The following LAPTM4B variants were observed in gnomAD, a reference collection of about 807,000 sequenced individuals.
The protein encoded by LAPTM4B is lysosomal protein transmembrane 4 beta.
Under a neutral mutation model 28.5 loss-of-function variants are expected in LAPTM4B, and 26 were observed. The observed-to-expected ratio is 0.91, with a 90% CI of 0.67 to 1.27. The LOEUF (loss-of-function observed/expected upper bound fraction) is 1.27. LAPTM4B is among the 50% of genes most tolerant of loss of function. The pLI is 0.00. For missense variants in LAPTM4B, 288 were observed against 285.8 expected, an observed-to-expected ratio of 1.01 and a Z score of -0.06; for synonymous variants, 109 against 106.4, an observed-to-expected ratio of 1.02 and a Z score of -0.15.
At chr8:97,846,418 C>T (rs538455297) in intron 6 of LAPTM4B, among the ~76,000 whole-genome samples, 21 of 151,670 alleles carry the variant, frequency 1.4e-4, no homozygotes, top group African/African-American at 4.8e-4. Flanking sequence ...GCCACCGCCT[C>T]CCGGGTTCAA....
intron 6 of LAPTM4B, among the ~76,000 whole-genome samples, chr8:97,844,917 G>A (rs2129854285): frequency 6.6e-6 from 1 of 152,122 alleles, no homozygotes; most frequent in East Asian, 1.9e-4. Context: ...TTAAAATGTT[G>A]CTTTTAACAC....
At chr8:97,805,030 C>G (rs769068542) in intron 1 of LAPTM4B, among the ~76,000 whole-genome samples, 1 of 152,208 alleles carries the variant, frequency 6.6e-6, no homozygotes, top group African/African-American at 2.4e-5. Context: ...TTTTCAACCA[C>G]TGGCGCCAGG....
intron 6 of LAPTM4B, among the ~76,000 whole-genome samples, chr8:97,830,545 A>T (rs990193210): frequency 6.6e-6 from 1 of 152,232 alleles, no homozygotes; most frequent in African/African-American, 2.4e-5. Context: ...TAAATGAAAG[A>T]TACAAAGGGC....
At chr8:97,779,753 TAAAAAAA>T (rs750177675) in intron 1 of LAPTM4B, among the ~76,000 whole-genome samples, 4 of 115,314 alleles carry the variant, frequency 3.5e-5, no homozygotes, top group African/African-American at 1.3e-4. Flanking sequence ...GACTCTTATC[TAAAAAAA>T]AAAAAAAAAA....
chr8:97,777,137 GTTTTTTTT>G (rs1176218610), intron 1 of LAPTM4B, among the ~76,000 whole-genome samples: 49 of 83,850 alleles, frequency 5.8e-4, no homozygotes, highest in East Asian at 3.1e-3. Context: ...TTTCAGTGAG[GTTTTTTTT>G]TTTTTTTTTT....
chr8:97,796,186 C>T (rs553686228), intron 1 of LAPTM4B, among the ~76,000 whole-genome samples: 2 of 152,342 alleles, frequency 1.3e-5, no homozygotes, highest in South Asian at 4.1e-4. Flanking sequence ...AGTGATCTAC[C>T]TGCCTCGAGC....
At chr8:97,828,827 G>C (rs143133448) in intron 6 of LAPTM4B, among the ~76,000 whole-genome samples, 2 of 152,156 alleles carry the variant, frequency 1.3e-5, no homozygotes, top group Non-Finnish European at 2.9e-5. Flanking sequence ...CTCCTGTTCC[G>C]ATTGCGGCAG....
chr8:97,776,155 C>A, intron 1 of LAPTM4B, 47 bp downstream of exon 1: 1 of 1,503,370 alleles, frequency 6.7e-7, no homozygotes, highest in East Asian at 2.6e-5. Flanking sequence ...CTTCCGCGCC[C>A]CTAGCTGGGC....
intron 1 of LAPTM4B, among the ~76,000 whole-genome samples, chr8:97,793,107 T>C (rs1816530412): frequency 6.6e-6 from 1 of 152,192 alleles, no homozygotes; most frequent in Non-Finnish European, 1.5e-5. Context: ...GAACATCCAA[T>C]TTATTATTTT....
chr8:97,795,548 G>A (rs1399430235), intron 1 of LAPTM4B, among the ~76,000 whole-genome samples: 2 of 151,992 alleles, frequency 1.3e-5, no homozygotes, highest in African/African-American at 4.8e-5. Flanking sequence ...ATATATCTTT[G>A]ACTTTTAAGA....
intron 4 of LAPTM4B, among the ~76,000 whole-genome samples, chr8:97,817,864 A>T (rs1476819682): frequency 6.6e-6 from 1 of 152,112 alleles, no homozygotes; most frequent in Non-Finnish European, 1.5e-5. Context: ...TGCTGAGATT[A>T]CAGGCGTGAG....
chr8:97,790,185 AT>A (rs71271151), intron 1 of LAPTM4B, among the ~76,000 whole-genome samples: 151,257 of 151,662 alleles, frequency 1, 75,435 homozygotes, highest in Middle Eastern at 1. Flanking sequence ...GAGTGCAGCT[AT>A]TTTTTTTTTG....
At chr8:97,811,602 C>CT (rs1816828184) in intron 2 of LAPTM4B, among the ~76,000 whole-genome samples, 1 of 152,092 alleles carries the variant, frequency 6.6e-6, no homozygotes, top group South Asian at 2.1e-4. Context: ...CTCTCAACAT[C>CT]ACAAACTAAG....
In LAPTM4B at chr8:97,805,358, C is replaced by T; in HGVS notation, c.105C>T (p.Ile35=). ...TTTTTTTTTTCTTGTTGCAGATCAT[C>T]AATGCTGTGGTACTGTTGATTTTAT... ...TILLGVWYLI[I]NAVVLLILLS... is the part of the protein sequence containing the mutation. Residue 35 remains isoleucine (I), a synonymous_variant, in exon 2 of 7, where the codon ATC becomes ATT. Coordinates refer to ENST00000521545, the MANE Select transcript of LAPTM4B (RefSeq NM_018407.6). 2 of 1,285,542 alleles carry T rather than the reference C, an allele frequency of 1.6e-6. No homozygotes were observed. Among genetic ancestry groups the T allele is most frequent in the Non-Finnish European group, 1.1e-6 (1 of 914,446 alleles). 79.6% of individuals were successfully genotyped at this position (1,285,542 alleles called of 1,614,324 possible). A position where few individuals can be genotyped will look rare whatever the true frequency, so the allele number is the denominator to read the frequency against.
chr8:97,808,830 G>A (rs747949921), intron 2 of LAPTM4B, among the ~76,000 whole-genome samples: 6 of 152,114 alleles, frequency 3.9e-5, no homozygotes, highest in Admixed American at 6.5e-5. Flanking sequence ...GTGTGGTGGC[G>A]TGTGTCTGTG....
At chr8:97,782,761 C>T (rs923049048) in intron 1 of LAPTM4B, among the ~76,000 whole-genome samples, 2 of 140,936 alleles carry the variant, frequency 1.4e-5, no homozygotes, top group Non-Finnish European at 3.1e-5. Flanking sequence ...GACGGAGTCT[C>T]GCTCTTGTTG....
At chr8:97,806,641 A>AG (rs1816758295) in intron 2 of LAPTM4B, among the ~76,000 whole-genome samples, 1 of 152,138 alleles carries the variant, frequency 6.6e-6, no homozygotes, top group Non-Finnish European at 1.5e-5. Flanking sequence ...GGAGGGACCC[A>AG]GGGGGAGGTA....
chr8:97,797,388 C>T (rs1325246924), intron 1 of LAPTM4B, among the ~76,000 whole-genome samples: 1 of 152,174 alleles, frequency 6.6e-6, no homozygotes, highest in Non-Finnish European at 1.5e-5. Flanking sequence ...CTGCCTCATC[C>T]TCCCAAAGTG....
At chr8:97,800,469 A>G (rs1816654329) in intron 1 of LAPTM4B, among the ~76,000 whole-genome samples, 2 of 114,438 alleles carry the variant, frequency 1.7e-5, no homozygotes, top group African/African-American at 3.9e-5. Context: ...CTTCTGTAAT[A>G]TTACCCCTTG....
Sources: allele counts gnomAD v4.1 joint callset (sites outside exome capture counted in the v4.1 genomes callset), GRCh38; gene constraint gnomAD v4.1.1; transcripts MANE v1.5; gene names NCBI Gene and HGNC (gene_info 2026-07-23, HGNC 2026-07-21).